Variants in SYT17 observed in about 807,000 individuals in gnomAD.
The protein encoded by SYT17 is synaptotagmin-17.
SYT17 carries 22 observed loss-of-function variants against 46.7 expected under a neutral mutation model. That is an observed-to-expected ratio of 0.47 (90% confidence interval 0.34 to 0.67). The LOEUF (loss-of-function observed/expected upper bound fraction) is 0.67, where lower values mean the gene tolerates loss of function less well. Among genes scored for constraint, SYT17 ranks in the 30% least tolerant of loss-of-function variants. SYT17 has a pLI of 0.01. For synonymous variants in SYT17, 251 were observed against 248.4 expected (o/e 1.01, Z -0.10); for missense variants, 519 against 612.8 (o/e 0.85, Z 1.62).
intron 7 of SYT17, among the ~76,000 whole-genome samples, chr16:19,241,543 G>C (rs1350049184): frequency 1.3e-5 from 2 of 152,164 alleles, no homozygotes; most frequent in Non-Finnish European, 2.9e-5. Context: ...TGGCAGCCTG[G>C]GGCGGGGGCC....
At position 19,183,668 on chromosome 16, in the gene SYT17, G is replaced by A. The variant is rs146453468; in HGVS notation, c.472G>A (p.Glu158Lys). ...CCCCGACGACTATTTCAGGAAGTTC[G>A]AACCCCACCTGTACTCCCTCGACTC... is the stretch of plus-strand genomic sequence containing the variant. ...YNPDDYFRKF[E>K]PHLYSLDSNS... Residue 158 changes from glutamate (E) to lysine (K), a missense_variant, in exon 5 of 8, where the codon GAA becomes AAA. Transcript: ENST00000355377. This position sits in a 1 kb window ranked among gnomAD's most constrained non-coding sequence, Gnocchi z 5.6. The A allele has an allele frequency of 5.0e-5, 80 of 1,614,016 alleles. No individual in the cohort carries two copies. Among genetic ancestry groups the A allele is most frequent in the Non-Finnish European group, 5.9e-5 (70 of 1,180,040 alleles).
chr16:19,259,291 C>G (rs781482977), intron 7 of SYT17, among the ~76,000 whole-genome samples: 2 of 152,184 alleles, frequency 1.3e-5, no homozygotes, highest in African/African-American at 4.8e-5. Context: ...ATCCCTTTCC[C>G]CATAAGTTTT....
intron 7 of SYT17, among the ~76,000 whole-genome samples, chr16:19,235,113 C>T (rs565894399): frequency 3.3e-5 from 5 of 152,146 alleles, no homozygotes; most frequent in East Asian, 1.9e-4. Context: ...AGCTGCAGAG[C>T]GAAGGGATTA....
chr16:19,209,041 G>A (rs1217516256), intron 5 of SYT17, among the ~76,000 whole-genome samples: 2 of 151,460 alleles, frequency 1.3e-5, no homozygotes, highest in African/African-American at 4.9e-5. Flanking sequence ...CTAATTTTTT[G>A]TATTTTTAGT....
rs1963973491 is a variant in SYT17 at position 19,168,932 on chromosome 16, G to A, written c.15+271G>A. On this transcript the variant is annotated intron_variant, in intron 1 of 7. Transcript: ENST00000355377. The surrounding 1 kb of genome is among the most constrained non-coding windows in gnomAD (Gnocchi z 6.9). Reference sequence around the variant, plus strand: ...TGGGGAGGGAATGGGGGGTGGGGCGGACTTTTCTTCTCCCCTGCCCCCTCC... The same window carrying A: ...TGGGGAGGGAATGGGGGGTGGGGCGAACTTTTCTTCTCCCCTGCCCCCTCC... Among the ~76,000 whole-genome samples, 1 of 151,986 alleles carries A rather than the reference G, an allele frequency of 6.6e-6. No homozygotes were observed.
intron 5 of SYT17, among the ~76,000 whole-genome samples, chr16:19,184,711 C>T (rs142180906): frequency 2.0e-5 from 3 of 152,176 alleles, no homozygotes; most frequent in East Asian, 3.9e-4. Flanking sequence ...TTCCTGTAAC[C>T]ACCACCACTC....
chr16:19,186,543 C>T (rs1451537881), intron 5 of SYT17, among the ~76,000 whole-genome samples: 1 of 152,190 alleles, frequency 6.6e-6, no homozygotes, highest in Non-Finnish European at 1.5e-5. Flanking sequence ...AGGTCAACTG[C>T]TCTAATTGCT....
Position 19,175,667 on chromosome 16 carries a change from A to G in SYT17, c.182+2089A>G, listed in dbSNP as rs368836337. Among the ~76,000 whole-genome samples, 86 of 147,156 alleles carry G rather than the reference A, an allele frequency of 5.8e-4. 1 individual carries two copies. The highest frequency in any genetic ancestry group is 2.8e-3 in the Admixed American group (41 of 14,464). ...CTTCAAAAAAAAAAAAAAAAAAAAA[A>G]GGATTCTACTGGTCTATGTAGCAGA... On this transcript the variant is annotated intron_variant, in intron 3 of 7. Coordinates refer to ENST00000355377, the MANE Select transcript of SYT17 (RefSeq NM_016524.4).
rs534933562 is a variant in SYT17, at chr16:19,222,913, C to A, written c.952-132C>A. The A allele has an allele frequency of 5.4e-5, 65 of 1,199,288 alleles. 1 individual carries two copies. In the South Asian group the frequency reaches 1.0e-3, roughly 19 times the overall value. The allele number at this position is 1,199,288 out of a possible 1,614,324, so 74.3% of individuals were successfully genotyped here. A position where few individuals can be genotyped will look rare whatever the true frequency, so the allele number is the denominator to read the frequency against. ...GGCAGAGATGAAAAGAAGTCACACA[C>A]AGAGGCTCCCACTGTCAACTGATGC... On this transcript the variant is annotated intron_variant, in intron 5 of 7. Transcript: ENST00000355377.
intron 5 of SYT17, 117 bp downstream of exon 5, chr16:19,184,264 TA>T (rs1172179602): frequency 2.9e-6 from 4 of 1,383,600 alleles, no homozygotes; most frequent in African/African-American, 2.9e-5. Flanking sequence ...TATTTTGAAA[TA>T]ATTTTTGACT....
intron 7 of SYT17, among the ~76,000 whole-genome samples, chr16:19,253,849 T>C (rs986678228): frequency 1.3e-5 from 2 of 152,078 alleles, no homozygotes; most frequent in African/African-American, 4.8e-5. Context: ...TGTCTCAGCC[T>C]CCCGAGTAAC....
At chr16:19,237,682 G>A (rs772158953) in intron 7 of SYT17, among the ~76,000 whole-genome samples, 30 of 152,230 alleles carry the variant, frequency 2.0e-4, no homozygotes, top group Non-Finnish European at 2.9e-4. Context: ...TGCAGGAGCA[G>A]TCACAGAGCT....
chr16:19,206,212 C>G (rs1223837297), intron 5 of SYT17, among the ~76,000 whole-genome samples: 2 of 152,126 alleles, frequency 1.3e-5, no homozygotes, highest in African/African-American at 4.8e-5. Context: ...GAAACAAGAA[C>G]TGTGGAGACC....
chr16:19,180,152 C>G, intron 3 of SYT17: 1 of 480,674 alleles, frequency 2.1e-6, no homozygotes, highest in Non-Finnish European at 3.8e-6. Flanking sequence ...TGAAATTATG[C>G]AAGTTCTTGA....
At chr16:19,264,270 C>T (rs1471049576) in intron 7 of SYT17, among the ~76,000 whole-genome samples, 1 of 152,144 alleles carries the variant, frequency 6.6e-6, no homozygotes, top group Non-Finnish European at 1.5e-5. Flanking sequence ...ATCAACTCTG[C>T]CCTTTTTGCA....
Position 19,168,419 on chromosome 16 carries a change from AC to A in SYT17, c.-226del. On this transcript the variant is annotated 5_prime_UTR_variant, in exon 1 of 8. Coordinates refer to ENST00000355377, the MANE Select transcript of SYT17 (RefSeq NM_016524.4). The surrounding 1 kb of genome is among the most constrained non-coding windows in gnomAD (Gnocchi z 6.9). ...GGCCCTGGGCGCCCGATATCTCCGA[AC>A]CGGGGAGGCGGCCCCGATTCCGAGA... 1.7e-6 allele frequency: 1 copy of A among 597,952 alleles called. No homozygotes were observed. The highest frequency in any genetic ancestry group is 2.9e-6 in the Non-Finnish European group (1 of 349,620). 37.0% of individuals were successfully genotyped at this position (597,952 alleles called of 1,614,324 possible).
At position 19,183,903 on chromosome 16, in the gene SYT17, T is replaced by C; in HGVS notation, c.707T>C (p.Leu236Pro). The change falls in exon 5 of 8, where the codon CTG becomes CCG. Residue 236 changes from leucine (L) to proline (P), a missense_variant. Coordinates refer to ENST00000355377, the MANE Select transcript of SYT17 (RefSeq NM_016524.4). This position sits in a 1 kb window ranked among gnomAD's most constrained non-coding sequence, Gnocchi z 5.6. Reference protein sequence around the residue: ...HSNPYVKICLLPDQKNSKQTG... With the variant: ...HSNPYVKICLPPDQKNSKQTG... Reference sequence around the variant, plus strand: ...AACCCCTACGTCAAGATCTGTCTCCTGCCAGACCAGAAGAACTCAAAGCAG... The same window carrying C: ...AACCCCTACGTCAAGATCTGTCTCCCGCCAGACCAGAAGAACTCAAAGCAG... 6.2e-7 allele frequency: 1 copy of C among 1,614,176 alleles called. No homozygotes were observed. Among genetic ancestry groups the C allele is most frequent in the Non-Finnish European group, 8.5e-7 (1 of 1,180,038 alleles).
In SYT17 at chr16:19,183,438, G is replaced by A. The variant is rs1311178389; in HGVS notation, c.332-90G>A. ...ATGGCAAAGGTCATTCTGAAGCAGA[G>A]TAAACAATGCAAGAATCTGCTTACC... On this transcript the variant is annotated intron_variant, in intron 4 of 7. Coordinates refer to ENST00000355377, the MANE Select transcript of SYT17 (RefSeq NM_016524.4). The surrounding 1 kb of genome is among the most constrained non-coding windows in gnomAD (Gnocchi z 5.6). The A allele has an allele frequency of 5.3e-6, 8 of 1,522,622 alleles. No individual in the cohort carries two copies. Among genetic ancestry groups the A allele is most frequent in the Non-Finnish European group, 7.1e-6 (8 of 1,123,516 alleles). 94.3% of individuals were successfully genotyped at this position (1,522,622 alleles called of 1,614,324 possible).
chr16:19,226,175 C>A (rs1966489414), intron 7 of SYT17, among the ~76,000 whole-genome samples: 1 of 152,138 alleles, frequency 6.6e-6, no homozygotes, highest in Non-Finnish European at 1.5e-5. Flanking sequence ...AAAACCTAAA[C>A]AACCTACACA....
Sources: allele counts gnomAD v4.1 joint callset (sites outside exome capture counted in the v4.1 genomes callset), GRCh38; gene constraint gnomAD v4.1.1; non-coding constraint Gnocchi (gnomAD v3.1); transcripts MANE v1.5; gene names NCBI Gene and HGNC (gene_info 2026-07-23, HGNC 2026-07-21).